The following PTPRM variants were observed in gnomAD, a reference collection of about 807,000 sequenced individuals.
PTPRM encodes the protein receptor-type tyrosine-protein phosphatase mu.
A neutral mutation model predicts 186.7 loss-of-function variants in PTPRM; 47 were observed. The observed-to-expected ratio is 0.25, with a 90% CI of 0.20 to 0.32. PTPRM has a LOEUF of 0.32. Ranked by LOEUF, PTPRM falls within the 10% of genes least tolerant of loss-of-function variation. The pLI is 1.00. For missense variants in PTPRM, 1,494 were observed against 1,865.0 expected, an observed-to-expected ratio of 0.80 and a Z score of 3.66; for synonymous variants, 668 against 674.9, an observed-to-expected ratio of 0.99 and a Z score of 0.16.
At chr18:8,370,730 T>C (rs367850946) in intron 23 of PTPRM, among the ~76,000 whole-genome samples, 160 bp from the exon 24 acceptor site, 4 of 152,284 alleles carry the variant, frequency 2.6e-5, no homozygotes, top group African/African-American at 7.2e-5. Context: ...CTGAGAAGAA[T>C]AAAAACACAG....
chr18:8,253,503 GA>G, intron 19 of PTPRM, 89 bp downstream of exon 19: 1 of 1,194,396 alleles, frequency 8.4e-7, no homozygotes. Flanking sequence ...GAAAGCCAGA[GA>G]AAACCCCCTG....
At chr18:8,074,350 T>C (rs1471300549) in intron 8 of PTPRM, among the ~76,000 whole-genome samples, 1 of 152,364 alleles carries the variant, frequency 6.6e-6, no homozygotes, top group Admixed American at 6.5e-5. Flanking sequence ...TTATGAATAA[T>C]GCTGCTATGT....
At chr18:7,987,310 T>A (rs948392889) in intron 7 of PTPRM, among the ~76,000 whole-genome samples, 1 of 152,228 alleles carries the variant, frequency 6.6e-6, no homozygotes, top group African/African-American at 2.4e-5. Context: ...TTGACTTGGT[T>A]ATGATGATGT....
chr18:8,327,285 A>G (rs2095383357), intron 22 of PTPRM, among the ~76,000 whole-genome samples: 1 of 152,198 alleles, frequency 6.6e-6, no homozygotes, highest in South Asian at 2.1e-4. Context: ...GGCAAAGACC[A>G]CAGAAACTGA....
intron 7 of PTPRM, among the ~76,000 whole-genome samples, chr18:7,960,441 T>C (rs1430303991): frequency 7.5e-6 from 1 of 134,182 alleles, no homozygotes; most frequent in East Asian, 2.1e-4. Flanking sequence ...GAAGGGAGTA[T>C]ATAGGCAACA....
At chr18:7,717,311 T>A (rs2040356072) in intron 1 of PTPRM, among the ~76,000 whole-genome samples, 1 of 152,138 alleles carries the variant, frequency 6.6e-6, no homozygotes, top group South Asian at 2.1e-4. Context: ...GGCTGGATGT[T>A]GGAGAGAAGC....
intron 14 of PTPRM, among the ~76,000 whole-genome samples, chr18:8,171,470 C>T (rs756429666): frequency 4.3e-4 from 65 of 152,270 alleles, no homozygotes; most frequent in Admixed American, 7.8e-4. Flanking sequence ...GAGGAAATGT[C>T]ACTCTGTAAA....
chr18:7,722,300 G>A (rs1278379433), intron 1 of PTPRM, among the ~76,000 whole-genome samples: 1 of 152,084 alleles, frequency 6.6e-6, no homozygotes, highest in African/African-American at 2.4e-5. Flanking sequence ...AAGCATTTAA[G>A]GTTCCTCTGT....
chr18:7,604,918 T>G (rs2143787068), intron 1 of PTPRM, among the ~76,000 whole-genome samples: 1 of 152,362 alleles, frequency 6.6e-6, no homozygotes, highest in East Asian at 1.9e-4. Context: ...TACACAGTAA[T>G]TTTCAGTTTA....
intron 1 of PTPRM, among the ~76,000 whole-genome samples, chr18:7,680,696 A>G (rs1006197156): frequency 2.6e-5 from 4 of 152,184 alleles, no homozygotes; most frequent in Non-Finnish European, 5.9e-5. Flanking sequence ...AAAACTGGAA[A>G]AAGAAAAAGA....
intron 14 of PTPRM, among the ~76,000 whole-genome samples, chr18:8,188,146 G>A (rs1024771771): frequency 2.6e-5 from 4 of 152,204 alleles, no homozygotes; most frequent in African/African-American, 9.7e-5. Context: ...GAAAGGAAAT[G>A]TTCAGTAGTA....
chr18:7,898,293 T>C (rs1380419985), intron 3 of PTPRM, among the ~76,000 whole-genome samples: 5 of 152,236 alleles, frequency 3.3e-5, no homozygotes, highest in African/African-American at 1.2e-4. Flanking sequence ...TTAATCCCCT[T>C]TGTTCTAGGG....
chr18:8,283,807 G>A (rs947968009), intron 19 of PTPRM, among the ~76,000 whole-genome samples: 4 of 151,710 alleles, frequency 2.6e-5, no homozygotes, highest in East Asian at 1.9e-4. Context: ...ATTTTTAGTC[G>A]AGGTGGGGTC....
intron 2 of PTPRM, among the ~76,000 whole-genome samples, chr18:7,839,961 A>G (rs1180246358): frequency 2.0e-5 from 3 of 151,798 alleles, no homozygotes; most frequent in Non-Finnish European, 2.9e-5. Flanking sequence ...TTTCTGCTGT[A>G]ACAAGGCAGC....
chr18:8,192,539 T>C (rs574065132), intron 14 of PTPRM, among the ~76,000 whole-genome samples: 232 of 152,224 alleles, frequency 1.5e-3, no homozygotes, highest in Non-Finnish European at 2.5e-3. Context: ...CCAAAGAATA[T>C]TGACAGGAAT....
chr18:7,836,848 G>C (rs1278361437), intron 2 of PTPRM, among the ~76,000 whole-genome samples: 1 of 152,120 alleles, frequency 6.6e-6, no homozygotes, highest in Admixed American at 6.5e-5. Context: ...CCACTGAAAA[G>C]TTTGCTGCCA....
chr18:8,027,293 G>C (rs895565228), intron 7 of PTPRM, among the ~76,000 whole-genome samples: 3 of 152,138 alleles, frequency 2.0e-5, no homozygotes, highest in African/African-American at 7.2e-5. Context: ...AAATAAGCTT[G>C]ACAATTATTT....
chr18:8,373,620 C>T (rs895109320), intron 24 of PTPRM, among the ~76,000 whole-genome samples: 3 of 152,138 alleles, frequency 2.0e-5, no homozygotes, highest in African/African-American at 7.2e-5. Flanking sequence ...CCTCCTGTCT[C>T]CAAGACAGAA....
chr18:8,092,642 T>C, intron 11 of PTPRM, among the ~76,000 whole-genome samples: 1 of 151,972 alleles, frequency 6.6e-6, no homozygotes, highest in East Asian at 1.9e-4. Flanking sequence ...AGTGTTCAAT[T>C]TGGAAAGCAG....
Sources: gnomAD v4.1 joint callset for allele counts (sites outside exome capture counted in the v4.1 genomes callset) on GRCh38, gnomAD v4.1.1 for gene constraint, MANE v1.5 for transcripts, NCBI Gene and HGNC (gene_info 2026-07-23, HGNC 2026-07-21) for gene names.